The following KDM4B variants were observed in gnomAD, a reference collection of about 807,000 sequenced individuals.
KDM4B encodes the protein lysine demethylase 4B, also known as lysine-specific demethylase 4B.
KDM4B carries 32 observed loss-of-function variants against 125.2 expected under a neutral mutation model. The observed-to-expected ratio is 0.26, with a 90% CI of 0.19 to 0.34. The LOEUF (loss-of-function observed/expected upper bound fraction) is 0.34, where lower values mean the gene tolerates loss of function less well. Among genes scored for constraint, KDM4B ranks in the 10% least tolerant of loss-of-function variants. The pLI is 1.00. For missense variants in KDM4B, 1,190 were observed against 1,577.7 expected (o/e 0.75, Z 4.16); for synonymous variants, 721 against 677.9 (o/e 1.06, Z -0.99).
chr19:5,085,589 G>A (rs1042224728), intron 9 of KDM4B, among the ~76,000 whole-genome samples: 4 of 152,244 alleles, frequency 2.6e-5, no homozygotes, highest in African/African-American at 9.6e-5. Flanking sequence ...TTGTCAGGCG[G>A]CGTAGCAAGT....
Position 5,138,011 on chromosome 19 carries a change from A to G in KDM4B, c.2491A>G (p.Asn831Asp), listed in dbSNP as rs1382803029. ...AIAVPEARFLNVIERHPVDIS... is the reference protein window; with the variant it reads ...AIAVPEARFLDVIERHPVDIS... ...CGCAGTCCCCGAGGCGCGCTTCCTG[A>G]ACGTGATTGAGCGCCACCCTGTGGA... Residue 831 changes from asparagine (N) to aspartate (D), a missense_variant, in exon 18 of 23, where the codon AAC (asparagine) becomes GAC (aspartate). Transcript: ENST00000159111. 1 of 1,612,712 alleles carries G rather than the reference A, an allele frequency of 6.2e-7. No individual in the cohort carries two copies. Among genetic ancestry groups the G allele is most frequent in the African/African-American group, 1.3e-5 (1 of 75,018 alleles).
intron 3 of KDM4B, among the ~76,000 whole-genome samples, chr19:5,037,404 C>T (rs11085110): frequency 0.21 from 31,388 of 152,156 alleles, 4,444 homozygotes; most frequent in East Asian, 0.65. Flanking sequence ...TCAATGTCTT[C>T]GTGTCTCACT....
At chr19:5,070,489 G>C (rs2037912225) in intron 6 of KDM4B, 2 of 152,924 alleles carry the variant, frequency 1.3e-5, no homozygotes, top group African/African-American at 4.8e-5. Context: ...CAAAGTCGGT[G>C]ACAAATGCAG....
intron 3 of KDM4B, among the ~76,000 whole-genome samples, chr19:5,039,268 A>C (rs774284384): frequency 6.6e-6 from 1 of 151,812 alleles, no homozygotes; most frequent in Non-Finnish European, 1.5e-5. Context: ...ACAAAATGAG[A>C]CTCCATCTCT....
At chr19:5,025,874 T>G (rs760225268) in intron 2 of KDM4B, among the ~76,000 whole-genome samples, 1 of 152,122 alleles carries the variant, frequency 6.6e-6, no homozygotes, top group Non-Finnish European at 1.5e-5. Context: ...TTTATTTATT[T>G]ATTTTATTTT....
chr19:4,972,199 C>G (rs964160930), intron 1 of KDM4B, among the ~76,000 whole-genome samples: 1 of 152,224 alleles, frequency 6.6e-6, no homozygotes, highest in African/African-American at 2.4e-5. Flanking sequence ...GACGACGTCT[C>G]TGGATCTCTG....
intron 9 of KDM4B, among the ~76,000 whole-genome samples, chr19:5,089,807 C>T (rs751464836): frequency 6.6e-6 from 1 of 151,844 alleles, no homozygotes; most frequent in Non-Finnish European, 1.5e-5. Context: ...AGCAAGCACC[C>T]CACAGTTCCC....
chr19:4,986,608 C>T (rs184024329), intron 1 of KDM4B, among the ~76,000 whole-genome samples: 13 of 152,314 alleles, frequency 8.5e-5, no homozygotes, highest in African/African-American at 2.9e-4. Context: ...GCGAGGAAGA[C>T]GTGAGGACTG....
intron 1 of KDM4B, among the ~76,000 whole-genome samples, chr19:5,008,927 T>G (rs2035647137): frequency 8.3e-6 from 1 of 120,292 alleles, no homozygotes; most frequent in Admixed American, 8.3e-5. Context: ...TTTTTTTTTT[T>G]TTTTTAAAGA....
At chr19:5,126,745 C>T (rs1026218457) in intron 11 of KDM4B, among the ~76,000 whole-genome samples, 1 of 152,330 alleles carries the variant, frequency 6.6e-6, no homozygotes, top group African/African-American at 2.4e-5. Flanking sequence ...GACCGTCAGG[C>T]GCACCCGGCT....
At chr19:5,001,169 A>G (rs1371596009) in intron 1 of KDM4B, among the ~76,000 whole-genome samples, 5 of 151,846 alleles carry the variant, frequency 3.3e-5, no homozygotes, top group Non-Finnish European at 7.4e-5. Flanking sequence ...CTTAGCTGAG[A>G]CCACAGGTGT....
At chr19:5,092,815 A>T (rs557073183) in intron 9 of KDM4B, among the ~76,000 whole-genome samples, 9 of 152,284 alleles carry the variant, frequency 5.9e-5, no homozygotes, top group Admixed American at 2.0e-4. Context: ...CCCCTCTGCC[A>T]TCTCAGGGCA....
At chr19:5,038,847 A>C (rs2036715422) in intron 3 of KDM4B, among the ~76,000 whole-genome samples, 1 of 152,168 alleles carries the variant, frequency 6.6e-6, no homozygotes, top group South Asian at 2.1e-4. Context: ...CCCCTGTCCC[A>C]TGTGGTGCTG....
chr19:5,007,537 T>A (rs1050984606), intron 1 of KDM4B, among the ~76,000 whole-genome samples: 9 of 130,798 alleles, frequency 6.9e-5, no homozygotes, highest in African/African-American at 2.3e-4. Context: ...TCACTTTCTC[T>A]CTCTCTTTTT....
intron 10 of KDM4B, among the ~76,000 whole-genome samples, chr19:5,118,760 C>T (rs543361435): frequency 6.6e-6 from 1 of 152,362 alleles, no homozygotes; most frequent in African/African-American, 2.4e-5. Context: ...TCAGCTCAGC[C>T]AAGCCTGTAA....
chr19:5,035,875 G>GTC lies in KDM4B; in HGVS notation c.141+2845_141+2846insCT. Among the ~76,000 whole-genome samples, 2 of 98,710 alleles carry GTC rather than the reference G, an allele frequency of 2.0e-5. No homozygotes were observed. Among genetic ancestry groups the GTC allele is most frequent in the Admixed American group, 2.0e-4 (2 of 10,018 alleles). 64.8% of individuals were successfully genotyped at this position (98,710 alleles called of 152,430 possible). The stretch of plus-strand genomic sequence containing the variant: ...TGTGCACGTGTCTCTGTGTGTGTGT[G>GTC]TGTGTGCGCGCGCGCGCGCGCCTGC... On this transcript the variant is annotated intron_variant, in intron 3 of 22. Transcript: ENST00000159111. The surrounding 1 kb of genome is among the most constrained non-coding windows in gnomAD (Gnocchi z 5.3).
At chr19:5,128,031 T>C (rs2039479070) in intron 11 of KDM4B, among the ~76,000 whole-genome samples, 1 of 151,950 alleles carries the variant, frequency 6.6e-6, no homozygotes, top group Admixed American at 6.5e-5. Flanking sequence ...AGCTGCCTGT[T>C]GTGTGTGAGG....
intron 1 of KDM4B, among the ~76,000 whole-genome samples, chr19:5,002,475 C>A (rs1170055305): frequency 6.7e-6 from 1 of 149,944 alleles, no homozygotes; most frequent in African/African-American, 2.5e-5. Flanking sequence ...CCTTTCCTTT[C>A]CTTCTTTCTT....
At chr19:5,144,186 C>G in intron 19 of KDM4B, 34 bp downstream of exon 19, 1 of 1,589,934 alleles carries the variant, frequency 6.3e-7, no homozygotes, top group South Asian at 1.1e-5. Context: ...CCCCCAGCCC[C>G]TGGCTCCCGC....
Sources: gnomAD v4.1 joint callset for allele counts (sites outside exome capture counted in the v4.1 genomes callset) on GRCh38, gnomAD v4.1.1 for gene constraint, Gnocchi (gnomAD v3.1) non-coding constraint, MANE v1.5 for transcripts, NCBI Gene and HGNC (gene_info 2026-07-23, HGNC 2026-07-21) for gene names.